Variants in SPTBN5 observed in about 807,000 individuals in gnomAD.
The protein encoded by SPTBN5 is spectrin beta, non-erythrocytic 5.
In SPTBN5, 513 loss-of-function variants were observed where a neutral mutation model predicts 477.6. That is an observed-to-expected ratio of 1.07 (90% confidence interval 1.00 to 1.16). The LOEUF (loss-of-function observed/expected upper bound fraction) is 1.16, where lower values mean the gene tolerates loss of function less well. Among genes scored for constraint, SPTBN5 ranks in the 50% most tolerant of loss-of-function variants. The pLI, the probability that SPTBN5 is intolerant of heterozygous loss-of-function variation, is 0.00. For synonymous variants in SPTBN5, 2,169 were observed against 2,011.7 expected (o/e 1.08, Z -2.09); for missense variants, 5,062 against 4,731.8 (o/e 1.07, Z -2.05).
At chr15:41,853,477 G>A in intron 58 of SPTBN5, 30 bp from the exon 59 acceptor site, 1 of 1,545,560 alleles carries the variant, frequency 6.5e-7, no homozygotes, top group Non-Finnish European at 8.8e-7. Flanking sequence ...GCTGTTGTCA[G>A]GGCTGGCTGG....
intron 26 of SPTBN5, among the ~76,000 whole-genome samples, chr15:41,873,249 G>T (rs2066604481): frequency 6.6e-6 from 1 of 152,138 alleles, no homozygotes; most frequent in African/African-American, 2.4e-5. Flanking sequence ...GAAACCCCAA[G>T]GCCACAGGGA....
At chr15:41,855,083 G>C (rs2065893270) in intron 55 of SPTBN5, 107 bp from the exon 56 acceptor site, 1 of 1,442,146 alleles carries the variant, frequency 6.9e-7, no homozygotes. Flanking sequence ...CCTCAGCCCA[G>C]GTTCTGGAAC....
At chr15:41,862,062 ATGAGAGGAAGGGGAGGGCAGGGCGGAGC>A (rs146568258) in intron 44 of SPTBN5, 40 bp downstream of exon 44, 61,318 of 1,511,170 alleles carry the variant, frequency 0.041, 1,440 homozygotes, top group Admixed American at 0.063. Context: ...GAGCAAGGAG[ATGAGAGGAAGGGGAGGGCAGGGCGGAGC>A]TGAGAGCCTG....
chr15:41,854,556 G>T (rs535060451), intron 56 of SPTBN5, among the ~76,000 whole-genome samples: 9 of 152,068 alleles, frequency 5.9e-5, no homozygotes, highest in Admixed American at 5.9e-4. Flanking sequence ...CTGGGGGACC[G>T]GGTCAGCTCA....
At position 41,868,592 on chromosome 15, in the gene SPTBN5, A is replaced by G; in HGVS notation, c.5863T>C (p.Tyr1955His). The G allele has an allele frequency of 3.1e-6, 5 of 1,599,406 alleles. No individual in the cohort carries two copies. The highest frequency in any genetic ancestry group is 4.2e-6 in the Non-Finnish European group (5 of 1,179,372). Residue 1955 changes from tyrosine to histidine, a missense_variant, in exon 33 of 68, where the codon TAT becomes CAT. Coordinates refer to ENST00000320955, the MANE Select transcript of SPTBN5 (RefSeq NM_016642.4). ...CGCACGCGGGCTGCCCAGGAGGCATAGTCACGCACCTGATCCCGGGGACAC... is the reference window on the plus strand; with the variant it reads ...CGCACGCGGGCTGCCCAGGAGGCATGGTCACGCACCTGATCCCGGGGACAC... ...LARFRTAVRD[Y>H]ASWAARVRQD...
Position 41,853,272 on chromosome 15 carries a change from AGT to A in SPTBN5, c.10154_10155del (p.His3385LeufsTer48). The A allele has an allele frequency of 6.2e-7, 1 of 1,606,034 alleles. No homozygotes were observed. The highest frequency in any genetic ancestry group is 8.5e-7 in the Non-Finnish European group (1 of 1,174,568). On this transcript the variant is annotated frameshift_variant, in exon 59 of 68. Transcript: ENST00000320955. LOFTEE classifies it high-confidence loss of function. ...QEGQQLVDNS[H>X]FMSAEVTECL... is the part of the protein sequence containing the mutation. Reference sequence around the variant, plus strand: ...TGAGTTCACACCTCCGCAGACATGAAGTGGCTGTTGTCCACCAGCTGCTGTCC... The same window carrying A: ...TGAGTTCACACCTCCGCAGACATGAAGGCTGTTGTCCACCAGCTGCTGTCC...
chr15:41,871,932 C>T lies in SPTBN5; in HGVS notation c.5166-15G>A, dbSNP rs752474022. 11 of 1,539,178 alleles carry T rather than the reference C, an allele frequency of 7.1e-6. No homozygotes were observed. The highest frequency in any genetic ancestry group is 7.9e-6 in the Non-Finnish European group (9 of 1,139,016). On this transcript the variant is annotated splice_polypyrimidine_tract_variant and intron_variant, in intron 27 of 67. Transcript: ENST00000320955. ...GTTCCCGGTCCCTGTGGTAACAGTCCGTGGTTCCCCAGAAGTGAGTTGCCC... is the reference window on the plus strand; with the variant it reads ...GTTCCCGGTCCCTGTGGTAACAGTCTGTGGTTCCCCAGAAGTGAGTTGCCC...
At chr15:41,890,756 C>T (rs1192664338) in intron 3 of SPTBN5, among the ~76,000 whole-genome samples, 3 of 152,222 alleles carry the variant, frequency 2.0e-5, no homozygotes, top group Non-Finnish European at 4.4e-5. Context: ...GGAATTTGCA[C>T]TTGAACAACA....
chr15:41,849,911 T>A lies in SPTBN5; in HGVS notation c.10970A>T (p.Asn3657Ile). Residue 3657 changes from asparagine (N) to isoleucine (I), a missense_variant, in exon 67 of 68, where the codon AAT (asparagine) becomes ATT (isoleucine). Transcript: ENST00000320955. The part of the protein sequence containing the change: ...KLKAKPVSSL[N>I]ECTTKDARPG... ...CCGGGCATCCTTGGTCGTGCACTCA[T>A]TCAGAGAGCTGACAGGTTTGGCTTT... The A allele has an allele frequency of 1.3e-6, 2 of 1,596,040 alleles. No individual in the cohort carries two copies. Among genetic ancestry groups the A allele is most frequent in the East Asian group, 2.3e-5 (1 of 44,168 alleles).
chr15:41,883,486 C>G lies in SPTBN5; in HGVS notation c.1521G>C (p.Arg507Ser). The change falls in exon 8 of 68, where the codon AGG (arginine) becomes AGC (serine). Residue 507 changes from arginine (R) to serine (S), a missense_variant and splice_region_variant. Transcript: ENST00000320955. ...GCCAGCGCACGGTAACTTCCTCCTGCCTAGAGGATATGAGAATAAGGGAGA... is the reference window on the plus strand; with the variant it reads ...GCCAGCGCACGGTAACTTCCTCCTGGCTAGAGGATATGAGAATAAGGGAGA... ...QYHSWADVAR[R>S]QEEVTVRWQR... 1 of 1,613,444 alleles carries G rather than the reference C, an allele frequency of 6.2e-7. No individual in the cohort carries two copies. The highest frequency in any genetic ancestry group is 8.5e-7 in the Non-Finnish European group (1 of 1,179,626).
chr15:41,860,268 T>C (rs549040729), intron 47 of SPTBN5, among the ~76,000 whole-genome samples: 95 of 152,338 alleles, frequency 6.2e-4, no homozygotes, highest in Middle Eastern at 3.4e-3. Context: ...GGCCGATGCT[T>C]GACCTCTGTG....
rs765612064 is a variant in SPTBN5 at position 41,857,698 on chromosome 15, G to A, written c.8239C>T (p.Leu2747=). 1.3e-6 allele frequency: 2 copies of A among 1,575,548 alleles called. No homozygotes were observed. The highest frequency in any genetic ancestry group is 1.7e-6 in the Non-Finnish European group (2 of 1,162,800). The change falls in exon 50 of 68, where the codon CTG becomes TTG. Residue 2747 remains leucine, a synonymous_variant. Coordinates refer to ENST00000320955, the MANE Select transcript of SPTBN5 (RefSeq NM_016642.4). ...GAGGCTGGGTGGCCCCCCTGCAGCA[G>A]CCTCTGTCCCTCCTGCAGCCACAAC... is the stretch of plus-strand genomic sequence containing the variant. ...QQELQREGQR[L]LQGGHPASEA...
Position 41,886,240 on chromosome 15 carries a change from G to C in SPTBN5, c.1015C>G (p.Pro339Ala). ...GCTGCCAGTAGCTGCCGCATGGCGG[G>C]CAGCGAGTCTGGAAAATCCCGCGCC... ...LEARDFPDSL[P>A]AMRQLLAAFT... Residue 339 changes from proline to alanine, a missense_variant, in exon 7 of 68, where the codon CCC becomes GCC. Physicochemically the swap from Pro to Ala is conservative, Grantham distance 27. Coordinates refer to ENST00000320955, the MANE Select transcript of SPTBN5 (RefSeq NM_016642.4). The C allele has an allele frequency of 6.2e-7, 1 of 1,613,136 alleles. No homozygotes were observed. Among genetic ancestry groups the C allele is most frequent in the Non-Finnish European group, 8.5e-7 (1 of 1,179,898 alleles).
In SPTBN5 at chr15:41,862,152, A is replaced by C; in HGVS notation, c.7526T>G (p.Leu2509Ter). ...CACCTTGCACTCCTGATGCTCTTCT[A>C]ACATACGCCGGGCTTCCACAGGGCT... is the stretch of plus-strand genomic sequence containing the variant. ...PRSPVEARRM[L>*]EEHQECKAEL... The change falls in exon 44 of 68, where the codon TTA becomes TGA. Residue 2509 changes from leucine (L) to a stop codon, truncating the protein, a stop_gained. Coordinates refer to ENST00000320955, the MANE Select transcript of SPTBN5 (RefSeq NM_016642.4). LOFTEE classifies it high-confidence loss of function. 6.3e-7 allele frequency: 1 copy of C among 1,594,092 alleles called. No individual in the cohort carries two copies.
intron 49 of SPTBN5, among the ~76,000 whole-genome samples, chr15:41,858,004 A>T (rs1016219269): frequency 6.6e-6 from 1 of 152,236 alleles, no homozygotes; most frequent in Non-Finnish European, 1.5e-5. Context: ...AGAATGTTTT[A>T]AAAAGTGCTA....
At chr15:41,859,820 G>A (rs1285309867) in intron 47 of SPTBN5, among the ~76,000 whole-genome samples, 1 of 152,188 alleles carries the variant, frequency 6.6e-6, no homozygotes, top group Non-Finnish European at 1.5e-5. Flanking sequence ...TGCAAGAATG[G>A]AGAGGGGGTG....
chr15:41,892,836 C>T (rs2067353299), intron 3 of SPTBN5, 58 bp downstream of exon 3: 1 of 1,514,550 alleles, frequency 6.6e-7, no homozygotes, highest in African/African-American at 1.4e-5. Context: ...CCCAGTAGTT[C>T]AGCCTGTCCC....
chr15:41,869,426 C>T (rs1047106073), intron 32 of SPTBN5, among the ~76,000 whole-genome samples: 1 of 152,236 alleles, frequency 6.6e-6, no homozygotes, highest in East Asian at 1.9e-4. Flanking sequence ...ATGAGGGCAG[C>T]AGTTCCACTT....
Position 41,866,959 on chromosome 15 carries a change from C to T in SPTBN5, c.6480G>A (p.Gln2160=), listed in dbSNP as rs752970016. ...LMASFTQAAT[Q]AEDWIQAWAQ... is the part of the protein sequence containing the mutation. Reference sequence around the variant, plus strand: ...CCCTGGGCTGGGGGTGCCCTCTGACCTGGGTTGCGGCCTGGGTGAAGCTGG... The same window carrying T: ...CCCTGGGCTGGGGGTGCCCTCTGACTTGGGTTGCGGCCTGGGTGAAGCTGG... Residue 2160 remains glutamine (Q), a splice_region_variant and synonymous_variant, in exon 36 of 68, where the codon CAG becomes CAA. Transcript: ENST00000320955. 44 of 1,573,660 alleles carry T rather than the reference C, an allele frequency of 2.8e-5. No individual in the cohort carries two copies. Among genetic ancestry groups the T allele is most frequent in the Non-Finnish European group, 3.7e-5 (43 of 1,160,224 alleles).
Sources: allele counts gnomAD v4.1 joint callset (sites outside exome capture counted in the v4.1 genomes callset), GRCh38; gene constraint gnomAD v4.1.1; transcripts MANE v1.5; gene names NCBI Gene and HGNC (gene_info 2026-07-23, HGNC 2026-07-21).